LYZL1: variants seen among roughly 807,000 people sequenced by gnomAD.
LYZL1 encodes lysozyme like 1, also known as lysozyme-like protein 1.
LYZL1 carries 16 observed loss-of-function variants against 17.9 expected under a neutral mutation model. The ratio of observed to expected loss-of-function variants is 0.90; its 90% confidence interval spans 0.61 to 1.36. The LOEUF (loss-of-function observed/expected upper bound fraction) is 1.36. Among genes scored for constraint, LYZL1 ranks in the 40% most tolerant of loss-of-function variants. LYZL1 has a pLI of 0.00. For synonymous variants in LYZL1, 58 were observed against 71.8 expected (o/e 0.81, Z 0.97); for missense variants, 149 against 188.4 (o/e 0.79, Z 1.22).
chr10:29,300,335 G>A (rs1377019214), intron 3 of LYZL1, among the ~76,000 whole-genome samples: 1 of 151,938 alleles, frequency 6.6e-6, no homozygotes, highest in Non-Finnish European at 1.5e-5. Context: ...GTTTCCAATA[G>A]GCATCATTAT....
At chr10:29,290,255 C>T (rs897545865) in intron 1 of LYZL1, among the ~76,000 whole-genome samples, 7 of 152,154 alleles carry the variant, frequency 4.6e-5, no homozygotes, top group African/African-American at 1.7e-4. Flanking sequence ...TTCACTTCAC[C>T]CCATCCCAGC....
intron 3 of LYZL1, among the ~76,000 whole-genome samples, chr10:29,302,754 A>G (rs528154777): frequency 6.6e-6 from 1 of 152,286 alleles, no homozygotes; most frequent in East Asian, 1.9e-4. Flanking sequence ...GCCAGTCACC[A>G]TAGTTGCCGT....
intron 3 of LYZL1, among the ~76,000 whole-genome samples, chr10:29,307,149 C>T (rs1041443276): frequency 1.2e-4 from 19 of 152,068 alleles, no homozygotes; most frequent in Admixed American, 6.6e-4. Flanking sequence ...CTACTGTGCC[C>T]GGCTACTCTC....
chr10:29,315,837 A>T (rs1037227639), downstream of LYZL1, among the ~76,000 whole-genome samples: 2 of 151,552 alleles, frequency 1.3e-5, no homozygotes, highest in Non-Finnish European at 2.9e-5. Flanking sequence ...CAACAGAGTG[A>T]AACACTGTCT....
chr10:29,311,950 C>T (rs991588810), downstream of LYZL1, among the ~76,000 whole-genome samples: 5 of 151,360 alleles, frequency 3.3e-5, no homozygotes, highest in African/African-American at 1.2e-4. Flanking sequence ...CAGAGCAAGA[C>T]TCTGTCAAGA....
At chr10:29,306,537 G>A (rs1432902496) in intron 3 of LYZL1, among the ~76,000 whole-genome samples, 18 of 87,138 alleles carry the variant, frequency 2.1e-4, no homozygotes, top group African/African-American at 8.4e-4. Context: ...GCGACAGAGC[G>A]AGACTCCGTC....
chr10:29,308,182 T>C (rs773099445), intron 3 of LYZL1, among the ~76,000 whole-genome samples: 14 of 152,322 alleles, frequency 9.2e-5, no homozygotes, highest in Non-Finnish European at 8.8e-5. Flanking sequence ...GCTGCAGTTG[T>C]GTGATGAGCA....
chr10:29,302,001 G>A (rs1378251872), intron 3 of LYZL1, among the ~76,000 whole-genome samples: 8 of 151,624 alleles, frequency 5.3e-5, no homozygotes, highest in Non-Finnish European at 1.0e-4. Flanking sequence ...GCAAACTTTC[G>A]TATCTCTCAT....
downstream of LYZL1, among the ~76,000 whole-genome samples, chr10:29,315,021 G>A (rs1835713677): frequency 6.6e-6 from 1 of 152,118 alleles, no homozygotes; most frequent in Admixed American, 6.5e-5. Context: ...CCCTAAGCCA[G>A]CCCCTGAAAG....
intron 4 of LYZL1, among the ~76,000 whole-genome samples, chr10:29,317,969 C>G (rs1003561876): frequency 6.6e-6 from 1 of 150,916 alleles, no homozygotes; most frequent in African/African-American, 2.4e-5. Flanking sequence ...AAAGTGATTA[C>G]TATCCTATTT....
intron 3 of LYZL1, among the ~76,000 whole-genome samples, chr10:29,304,202 G>C (rs184352106): frequency 6.6e-6 from 1 of 152,120 alleles, no homozygotes; most frequent in East Asian, 1.9e-4. Context: ...AAGCACACAC[G>C]TTCATATACC....
At chr10:29,301,778 T>C (rs1045608630) in intron 3 of LYZL1, among the ~76,000 whole-genome samples, 5 of 152,220 alleles carry the variant, frequency 3.3e-5, no homozygotes, top group African/African-American at 1.2e-4. Context: ...CCTTCAAGGA[T>C]TCTAATGGCA....
chr10:29,297,693 T>G (rs1343237445), intron 3 of LYZL1, among the ~76,000 whole-genome samples: 2 of 152,206 alleles, frequency 1.3e-5, no homozygotes, highest in Non-Finnish European at 2.9e-5. Context: ...TATGTAGAAT[T>G]TGGTACTATT....
intron 3 of LYZL1, among the ~76,000 whole-genome samples, chr10:29,293,128 T>TTTTC (rs1564389207): frequency 3.2e-4 from 19 of 58,812 alleles, no homozygotes; most frequent in South Asian, 6.1e-4. Context: ...TTTTCTTTTC[T>TTTTC]TTTTTCTTTT....
intron 3 of LYZL1, among the ~76,000 whole-genome samples, chr10:29,293,127 C>CT (rs778807136): frequency 0.24 from 24,362 of 101,058 alleles, 3,617 homozygotes; most frequent in East Asian, 0.36. Flanking sequence ...CTTTTCTTTT[C>CT]TTTTTTCTTT....
At chr10:29,305,017 T>A (rs1835572274) in intron 3 of LYZL1, among the ~76,000 whole-genome samples, 1 of 152,300 alleles carries the variant, frequency 6.6e-6, no homozygotes, top group African/African-American at 2.4e-5. Context: ...CAAAATGTGC[T>A]CTTTCTGTAC....
At chr10:29,291,478 G>A (rs536995844) in intron 1 of LYZL1, among the ~76,000 whole-genome samples, 83 of 151,664 alleles carry the variant, frequency 5.5e-4, no homozygotes, top group African/African-American at 1.6e-3. Context: ...TTGTTCAAGG[G>A]TCAGCAGTAT....
At chr10:29,291,062 T>C (rs1305426519) in intron 1 of LYZL1, among the ~76,000 whole-genome samples, 1 of 152,124 alleles carries the variant, frequency 6.6e-6, no homozygotes, top group African/African-American at 2.4e-5. Context: ...CTTGAACAAA[T>C]GTAGGGGTCA....
chr10:29,310,069 A>G, intron 3 of LYZL1, 41 bp from the exon 4 acceptor site: 1 of 1,465,990 alleles, frequency 6.8e-7, no homozygotes, highest in Non-Finnish European at 9.5e-7. Context: ...CTCTCCAACA[A>G]CAAAGTCTCG....
Sources: gnomAD v4.1 joint callset for allele counts (sites outside exome capture counted in the v4.1 genomes callset) on GRCh38, gnomAD v4.1.1 for gene constraint, MANE v1.5 for transcripts, NCBI Gene and HGNC (gene_info 2026-07-23, HGNC 2026-07-21) for gene names.